The following GCSAML variants were observed in gnomAD, a reference collection of about 807,000 sequenced individuals.
The protein encoded by GCSAML is germinal center-associated signaling and motility-like protein.
Under a neutral mutation model 13.0 loss-of-function variants are expected in GCSAML, and 9 were observed. The observed-to-expected ratio is 0.69, with a 90% CI of 0.42 to 1.21. The LOEUF (loss-of-function observed/expected upper bound fraction) is 1.21, where lower values mean the gene tolerates loss of function less well. GCSAML is among the 50% of genes most tolerant of loss of function. The pLI is 0.00. For synonymous variants in GCSAML, 37 were observed against 52.9 expected, an observed-to-expected ratio of 0.70 and a Z score of 1.31; for missense variants, 143 against 153.4, an observed-to-expected ratio of 0.93 and a Z score of 0.36.
intron 1 of GCSAML, among the ~76,000 whole-genome samples, chr1:247,512,868 G>A (rs1044283467): frequency 2.0e-5 from 3 of 152,158 alleles, no homozygotes; most frequent in Non-Finnish European, 4.4e-5. Flanking sequence ...ATTGCTGCCT[G>A]TTCGTTCCTC....
chr1:247,536,931 T>A (rs1021761153), intron 2 of GCSAML, among the ~76,000 whole-genome samples: 3 of 152,208 alleles, frequency 2.0e-5, no homozygotes, highest in Non-Finnish European at 4.4e-5. Context: ...TTTTTCTTAA[T>A]AAGTTAAATT....
rs1374079152 is a variant in GCSAML, at chr1:247,540,697, G to A, written c.-147-8348G>A. On this transcript the variant is annotated intron_variant, in intron 2 of 5. Transcript: ENST00000366489. The stretch of plus-strand genomic sequence containing the variant: ...GACCACTGTGGGGATGCAAGAGCAA[G>A]TGGGGGAGGGAGGCCTTACTTTATT... Among the ~76,000 whole-genome samples the A allele has an allele frequency of 3.9e-5, 6 of 152,222 alleles. No individual in the cohort carries two copies. In the East Asian group the frequency reaches 1.2e-3, roughly 29 times the overall value.
intron 1 of GCSAML, among the ~76,000 whole-genome samples, chr1:247,509,110 T>C (rs980632627): frequency 3.9e-5 from 6 of 152,228 alleles, no homozygotes; most frequent in Non-Finnish European, 5.9e-5. Context: ...TATGGCCATC[T>C]TCACGAATTA....
At chr1:247,518,840 A>T (rs1666314607) in intron 1 of GCSAML, among the ~76,000 whole-genome samples, 1 of 152,128 alleles carries the variant, frequency 6.6e-6, no homozygotes, top group Admixed American at 6.5e-5. Flanking sequence ...AATGTAAAAA[A>T]TTAGCCGGGC....
In GCSAML at chr1:247,526,999, C is replaced by T. The variant is rs1195095269; in HGVS notation, c.-203C>T. The T allele has an allele frequency of 6.6e-6, 3 of 456,686 alleles. No homozygotes were observed. Among genetic ancestry groups the T allele is most frequent in the Non-Finnish European group, 8.8e-6 (2 of 226,974 alleles). The allele number at this position is 456,686 out of a possible 1,614,324, so 28.3% of individuals were successfully genotyped here. A position where few individuals can be genotyped will look rare whatever the true frequency, so the allele number is the denominator to read the frequency against. ...TCCAATAGTTCTACTGGATGTGGAG[C>T]CAGAAATTGTGTGGAATGCCTGGTG... On this transcript the variant is annotated 5_prime_UTR_variant, in exon 2 of 6. Coordinates refer to the GCSAML transcript ENST00000366489. This position sits in a 1 kb window ranked among gnomAD's most constrained non-coding sequence, Gnocchi z 4.8.
rs1016172769 is a variant in GCSAML at position 247,526,760 on chromosome 1, A to G, written c.-262-180A>G. On this transcript the variant is annotated intron_variant, in intron 1 of 5. Coordinates refer to the GCSAML transcript ENST00000366489. The surrounding 1 kb of genome is among the most constrained non-coding windows in gnomAD (Gnocchi z 4.8). ...AGCCTATGGTTGCTGCAAGAGGAAT[A>G]AAAGAAAAGATGGAGCCTAGAAAAT... 8.1e-5 allele frequency: 29 copies of G among 360,060 alleles called. No homozygotes were observed. In the Middle Eastern group the frequency reaches 3.0e-3, roughly 37 times the overall value. The allele number at this position is 360,060 out of a possible 1,614,324, so 22.3% of individuals were successfully genotyped here. A position where few individuals can be genotyped will look rare whatever the true frequency, so the allele number is the denominator to read the frequency against.
Position 247,531,621 on chromosome 1 carries a change from C to T in GCSAML, c.-148+4567C>T, listed in dbSNP as rs566537826. 7 of 1,614,180 alleles carry T rather than the reference C, an allele frequency of 4.3e-6. No individual in the cohort carries two copies. The South Asian group carries it at 6.6e-5, about 15-fold the overall frequency. On this transcript the variant is annotated intron_variant, in intron 2 of 5. Transcript: ENST00000366489. ...CCATGTGCCGGAGGGCGCTCTTCAC[C>T]TCCGTGTTCCTCAGGGTGTAAATAA...
intron 1 of GCSAML, among the ~76,000 whole-genome samples, chr1:247,518,269 G>T (rs1309483712): frequency 6.6e-6 from 1 of 152,238 alleles, no homozygotes; most frequent in Non-Finnish European, 1.5e-5. Context: ...CTGCCAGTTC[G>T]TGTGTGGGAC....
At chr1:247,545,912 C>T (rs1025820609), upstream of GCSAML, among the ~76,000 whole-genome samples, 3 of 151,950 alleles carry the variant, frequency 2.0e-5, no homozygotes, top group Non-Finnish European at 4.4e-5. Flanking sequence ...CTTAACAATT[C>T]GTCAAGAGTG....
At chr1:247,529,487 G>A (rs1666818827) in intron 2 of GCSAML, 1 of 152,162 alleles carries the variant, frequency 6.6e-6, no homozygotes, top group African/African-American at 2.4e-5. Flanking sequence ...TTTCCTGCAG[G>A]CTGCAGTGTA....
intron 4 of GCSAML, among the ~76,000 whole-genome samples, chr1:247,571,899 C>T (rs923025050): frequency 6.6e-6 from 1 of 151,970 alleles, no homozygotes; most frequent in Non-Finnish European, 1.5e-5. Context: ...TTTGTTTGTT[C>T]CTTTTCATTT....
chr1:247,551,976 A>C (rs1667793296), intron 1 of GCSAML, among the ~76,000 whole-genome samples: 1 of 152,238 alleles, frequency 6.6e-6, no homozygotes, highest in African/African-American at 2.4e-5. Context: ...CAGACAAAGT[A>C]GGTCAGATAA....
chr1:247,568,361 A>G (rs930184970), intron 4 of GCSAML, among the ~76,000 whole-genome samples: 6 of 152,206 alleles, frequency 3.9e-5, no homozygotes, highest in African/African-American at 1.4e-4. Flanking sequence ...ATAAGGTGTA[A>G]GGAAGGGGTC....
At chr1:247,507,112 T>C (rs1050990833), upstream of GCSAML, 1 of 152,218 alleles carries the variant, frequency 6.6e-6, no homozygotes, top group African/African-American at 2.4e-5. Flanking sequence ...CTGTCCTGTT[T>C]CTACAAGAGA....
At chr1:247,539,254 A>G (rs1335088727) in intron 2 of GCSAML, among the ~76,000 whole-genome samples, 1 of 152,224 alleles carries the variant, frequency 6.6e-6, no homozygotes, top group Non-Finnish European at 1.5e-5. Flanking sequence ...CTGCTCAAAT[A>G]TAGTCAAACT....
At chr1:247,522,160 A>G (rs1572292868) in intron 1 of GCSAML, among the ~76,000 whole-genome samples, 1 of 141,878 alleles carries the variant, frequency 7.0e-6, no homozygotes, top group African/African-American at 2.7e-5. Flanking sequence ...CCCCATCTGG[A>G]AAGTGAGGAG....
intron 1 of GCSAML, among the ~76,000 whole-genome samples, chr1:247,553,858 CTAAAG>C (rs1191428883): frequency 6.6e-6 from 1 of 152,202 alleles, no homozygotes; most frequent in Non-Finnish European, 1.5e-5. Context: ...TCTTAGGCTT[CTAAAG>C]TAGTTAATTA....
upstream of GCSAML, among the ~76,000 whole-genome samples, chr1:247,544,431 T>C (rs933765868): frequency 3.9e-5 from 6 of 152,306 alleles, no homozygotes; most frequent in African/African-American, 1.4e-4. Context: ...TCAGCTGTGA[T>C]ATATTCAGGC....
At chr1:247,537,866 T>G (rs974702169) in intron 2 of GCSAML, among the ~76,000 whole-genome samples, 5 of 152,220 alleles carry the variant, frequency 3.3e-5, no homozygotes, top group Admixed American at 1.3e-4. Context: ...TTTGTAAGTG[T>G]TCCTTATATA....
Sources: allele counts gnomAD v4.1 joint callset (sites outside exome capture counted in the v4.1 genomes callset), GRCh38; gene constraint gnomAD v4.1.1; non-coding constraint Gnocchi (gnomAD v3.1); transcripts MANE v1.5; gene names NCBI Gene and HGNC (gene_info 2026-07-23, HGNC 2026-07-21).